Variants in NVL observed in about 807,000 individuals in gnomAD.
The protein encoded by NVL is nuclear valosin-containing protein-like.
NVL carries 84 observed loss-of-function variants against 110.2 expected under a neutral mutation model. That is an observed-to-expected ratio of 0.76 (90% CI 0.64 to 0.91). The LOEUF (loss-of-function observed/expected upper bound fraction) is 0.91, where lower values mean the gene tolerates loss of function less well. Among genes scored for constraint, NVL ranks in the 40% least tolerant of loss-of-function variants. The probability of loss-of-function intolerance (pLI) is 0.00; values close to 1 mark genes in which losing one functional copy is unlikely to be tolerated. For missense variants in NVL, 882 were observed against 1,035.9 expected (o/e 0.85, Z 2.04); for synonymous variants, 354 against 361.1 (o/e 0.98, Z 0.22).
chr1:224,306,496 G>C (rs966646165), intron 6 of NVL, among the ~76,000 whole-genome samples: 2 of 152,072 alleles, frequency 1.3e-5, no homozygotes, highest in Non-Finnish European at 2.9e-5. Context: ...TCAATCTCCT[G>C]ACCTCATGAT....
rs1404883148 is a variant in NVL, at chr1:224,236,499, C to A, written c.2366+7G>T. 3 of 1,608,660 alleles carry A rather than the reference C, an allele frequency of 1.9e-6. No homozygotes were observed. In the South Asian group the frequency reaches 3.3e-5, roughly 18 times the overall value. On this transcript the variant is annotated splice_region_variant and intron_variant, in intron 20 of 22. Coordinates refer to ENST00000281701, the MANE Select transcript of NVL (RefSeq NM_002533.4). ...AGAGTGAATTGACTTAAGATTTAAA[C>A]ACTTACGTATAGCAATCACAGCGAA...
intron 19 of NVL, among the ~76,000 whole-genome samples, chr1:224,242,922 T>G (rs554421363): frequency 2.5e-4 from 37 of 150,790 alleles, no homozygotes; most frequent in African/African-American, 8.3e-4. Flanking sequence ...GCCTCTGGGT[T>G]CAAGCGATTC....
chr1:224,295,422 G>A (rs955017763), intron 11 of NVL, among the ~76,000 whole-genome samples: 2 of 151,750 alleles, frequency 1.3e-5, no homozygotes, highest in African/African-American at 2.4e-5. Flanking sequence ...GGATGGTCTC[G>A]ATCTCCTGAC....
chr1:224,317,685 T>A lies in NVL; in HGVS notation c.284+9A>T, dbSNP rs1205504840. Reference sequence around the variant, plus strand: ...TGGTTTAAAAAAACCCTGCATTTGGTATACTTACTCATTATCCTCTTCACC... The same window carrying A: ...TGGTTTAAAAAAACCCTGCATTTGGAATACTTACTCATTATCCTCTTCACC... On this transcript the variant is annotated intron_variant, in intron 4 of 22. Transcript: ENST00000281701. 2.7e-6 allele frequency: 4 copies of A among 1,494,348 alleles called. No individual in the cohort carries two copies. Among genetic ancestry groups the A allele is most frequent in the Non-Finnish European group, 3.7e-6 (4 of 1,075,500 alleles). The allele number at this position is 1,494,348 out of a possible 1,614,324, so 92.6% of individuals were successfully genotyped here. A position where few individuals can be genotyped will look rare whatever the true frequency, so the allele number is the denominator to read the frequency against.
chr1:224,274,558 AC>A (rs1665556615), intron 17 of NVL, among the ~76,000 whole-genome samples: 1 of 151,452 alleles, frequency 6.6e-6, no homozygotes, highest in African/African-American at 2.4e-5. Context: ...AATCGCTTGA[AC>A]CCAGGAGGCG....
chr1:224,295,718 C>T (rs1667813019), intron 11 of NVL, among the ~76,000 whole-genome samples: 1 of 151,054 alleles, frequency 6.6e-6, no homozygotes, highest in Non-Finnish European at 1.5e-5. Flanking sequence ...TGGCTCACAC[C>T]TGTAATCCCA....
intron 19 of NVL, among the ~76,000 whole-genome samples, chr1:224,239,430 C>T (rs999527295): frequency 6.6e-6 from 1 of 151,994 alleles, no homozygotes; most frequent in Non-Finnish European, 1.5e-5. Context: ...TGAAGACTAG[C>T]GTAGACTTTC....
chr1:224,274,975 G>A (rs1192360938), intron 17 of NVL, among the ~76,000 whole-genome samples: 1 of 152,166 alleles, frequency 6.6e-6, no homozygotes, highest in Non-Finnish European at 1.5e-5. Flanking sequence ...TTGAGTGCAT[G>A]ATATCTTAAA....
chr1:224,296,956 T>A (rs1206409343), intron 10 of NVL, among the ~76,000 whole-genome samples: 1 of 152,132 alleles, frequency 6.6e-6, no homozygotes, highest in Non-Finnish European at 1.5e-5. Context: ...GATAAGCATA[T>A]GCACAGAAAA....
chr1:224,275,432 C>T lies in NVL; in HGVS notation c.1989G>A (p.Val663=), dbSNP rs1345529869. The T allele has an allele frequency of 1.2e-6, 2 of 1,614,002 alleles. No individual in the cohort carries two copies. Residue 663 remains valine, a synonymous_variant, in exon 17 of 23, where the codon GTG becomes GTA. Transcript: ENST00000281701. ...NMYVGESERA[V]RQVFQRAKNS... ...TCTTGGCTCGTTGAAAAACTTGTCG[C>T]ACAGCACGTTCACTCTCACCAACAT...
intron 18 of NVL, 96 bp from the exon 19 acceptor site, chr1:224,250,414 G>C (rs1469315575): frequency 8.8e-7 from 1 of 1,140,468 alleles, no homozygotes; most frequent in Non-Finnish European, 1.2e-6. Flanking sequence ...TCCCAGGCTG[G>C]AGTGCAGTGG....
At chr1:224,304,587 C>T in intron 8 of NVL, 149 bp downstream of exon 8, 1 of 642,506 alleles carries the variant, frequency 1.6e-6, no homozygotes, top group Non-Finnish European at 2.8e-6. Context: ...CTGCAATGCC[C>T]TAAAGGGTAC....
intron 19 of NVL, among the ~76,000 whole-genome samples, chr1:224,238,850 A>G (rs752420872): frequency 5.9e-5 from 9 of 152,162 alleles, no homozygotes; most frequent in Non-Finnish European, 1.2e-4. Context: ...AAAACTGACC[A>G]TTTCAACCAT....
At chr1:224,257,672 C>T (rs1031530234) in intron 18 of NVL, among the ~76,000 whole-genome samples, 2 of 152,092 alleles carry the variant, frequency 1.3e-5, no homozygotes, top group African/African-American at 4.8e-5. Flanking sequence ...AGACTACAGG[C>T]ATGCACCACC....
At chr1:224,303,528 C>T (rs186967437) in intron 9 of NVL, among the ~76,000 whole-genome samples, 195 bp downstream of exon 9, 290 of 151,540 alleles carry the variant, frequency 1.9e-3, no homozygotes, top group African/African-American at 6.7e-3. Flanking sequence ...TCAAGTTGCT[C>T]GTGAGAAACA....
chr1:224,289,332 TA>T, intron 13 of NVL, 151 bp downstream of exon 13: 1 of 614,444 alleles, frequency 1.6e-6, no homozygotes, highest in Non-Finnish European at 2.6e-6. Context: ...TTTGAAATGA[TA>T]AACATCGTGG....
chr1:224,273,439 C>T (rs535325002), intron 17 of NVL, among the ~76,000 whole-genome samples: 63 of 151,278 alleles, frequency 4.2e-4, no homozygotes, highest in Non-Finnish European at 7.1e-4. Context: ...AAGAAATGTA[C>T]GGCAGTAGAC....
chr1:224,317,415 C>A (rs1670196524), intron 4 of NVL, among the ~76,000 whole-genome samples: 1 of 151,968 alleles, frequency 6.6e-6, no homozygotes, highest in Non-Finnish European at 1.5e-5. Flanking sequence ...GGTCTTAGGC[C>A]TAATAAAGGC....
In NVL at chr1:224,227,750, C is replaced by A. The variant is rs1011879265; in HGVS notation, c.2527-80G>T. The A allele has an allele frequency of 3.7e-6, 5 of 1,333,954 alleles. No individual in the cohort carries two copies. In the South Asian group the frequency reaches 6.2e-5, roughly 17 times the overall value. The allele number at this position is 1,333,954 out of a possible 1,614,324, so 82.6% of individuals were successfully genotyped here. On this transcript the variant is annotated intron_variant, in intron 22 of 22. Transcript: ENST00000281701. ...AATGGTGCCCCCCAAAATTCACATGCTGCAGTCCGCACCCGCAGGACCTCA... is the reference window on the plus strand; with the variant it reads ...AATGGTGCCCCCCAAAATTCACATGATGCAGTCCGCACCCGCAGGACCTCA...
Sources: allele counts gnomAD v4.1 joint callset (sites outside exome capture counted in the v4.1 genomes callset), GRCh38; gene constraint gnomAD v4.1.1; transcripts MANE v1.5; gene names NCBI Gene and HGNC (gene_info 2026-07-23, HGNC 2026-07-21).